NEURL2: variants seen among roughly 807,000 people sequenced by gnomAD.
The protein encoded by NEURL2 is neuralized-like protein 2.
NEURL2 carries 16 observed loss-of-function variants against 15.9 expected under a neutral mutation model. The observed-to-expected ratio is 1.01, with a 90% CI of 0.68 to 1.53. NEURL2 has a LOEUF of 1.53. Among genes scored for constraint, NEURL2 ranks in the 40% most tolerant of loss-of-function variants. The probability of loss-of-function intolerance (pLI) is 0.00; values close to 1 mark genes in which losing one functional copy is unlikely to be tolerated. For synonymous variants in NEURL2, 188 were observed against 178.3 expected, an observed-to-expected ratio of 1.05 and a Z score of -0.43; for missense variants, 393 against 407.8, an observed-to-expected ratio of 0.96 and a Z score of 0.31.
Position 45,888,824 on chromosome 20 carries a change from C to T in NEURL2, c.792G>A (p.Val264=). ...LCRLVIQRSM[V]HRLAIDGLHL... ...GGAGCCCATCAATGGCCAGCCGGTG[C>T]ACCATGCTCCTTTGTATCACTAGGC... Residue 264 remains valine, a synonymous_variant, in exon 2 of 2, where the codon GTG becomes GTA. Coordinates refer to ENST00000372518, the MANE Select transcript of NEURL2 (RefSeq NM_080749.4). 6.2e-7 allele frequency: 1 copy of T among 1,614,094 alleles called. No homozygotes were observed. The highest frequency in any genetic ancestry group is 2.2e-5 in the East Asian group (1 of 44,890).
At position 45,890,912 on chromosome 20, in the gene NEURL2, T is replaced by G. The variant is rs1457251810; in HGVS notation, c.80A>C (p.His27Pro). 1 of 1,545,614 alleles carries G rather than the reference T, an allele frequency of 6.5e-7. No homozygotes were observed. Among genetic ancestry groups the G allele is most frequent in the African/African-American group, 1.4e-5 (1 of 73,070 alleles). ...ERPEPPPTRFHRVHGANIRVD... is the reference protein window; with the variant it reads ...ERPEPPPTRFPRVHGANIRVD... ...GCGGATGTTGGCACCGTGCACCCGATGGAAGCGGGTGGGAGGGGGCTCCGG... is the reference window on the plus strand; with the variant it reads ...GCGGATGTTGGCACCGTGCACCCGAGGGAAGCGGGTGGGAGGGGGCTCCGG... The change falls in exon 1 of 2, where the codon CAT becomes CCT. Residue 27 changes from histidine (H) to proline (P), a missense_variant. Transcript: ENST00000372518.
At position 45,891,105 on chromosome 20, in the gene NEURL2, GCCTCT is replaced by G; in HGVS notation, c.-119_-115del. 3 of 1,201,136 alleles carry G rather than the reference GCCTCT, an allele frequency of 2.5e-6. No individual in the cohort carries two copies. Among genetic ancestry groups the G allele is most frequent in the Non-Finnish European group, 3.4e-6 (3 of 874,440 alleles). 74.4% of individuals were successfully genotyped at this position (1,201,136 alleles called of 1,614,324 possible). A position where few individuals can be genotyped will look rare whatever the true frequency, so the allele number is the denominator to read the frequency against. The stretch of plus-strand genomic sequence containing the variant: ...TTTCCCCCCTGACTCCCTTCCCCGA[GCCTCT>G]GCCCGGGGGTCCTAGCGCCGCTTTC... On this transcript the variant is annotated 5_prime_UTR_variant, in exon 1 of 2. It introduces an in-frame stop codon into an upstream open reading frame of the 5' UTR. Transcript: ENST00000372518. This position sits in a 1 kb window ranked among gnomAD's most constrained non-coding sequence, Gnocchi z 4.6.
At chr20:45,888,912 G>A in intron 1 of NEURL2, 39 bp from the exon 2 acceptor site, 2 of 1,612,224 alleles carry the variant, frequency 1.2e-6, no homozygotes, top group South Asian at 1.1e-5. Flanking sequence ...CTGAACTGGA[G>A]GGTGGGTCTG....
Position 45,890,971 on chromosome 20 carries a change from G to T in NEURL2, c.21C>A (p.Pro7=). 6.7e-7 allele frequency: 1 copy of T among 1,494,346 alleles called. No homozygotes were observed. The highest frequency in any genetic ancestry group is 8.9e-7 in the Non-Finnish European group (1 of 1,121,728). 92.6% of individuals were successfully genotyped at this position (1,494,346 alleles called of 1,614,324 possible). MAAASE[P]VDSGALWGLE... ...GTCCCCAGAGTGCACCCGAATCCACGGGCTCGGAGGCAGCAGCCATCTCTC... is the reference window on the plus strand; with the variant it reads ...GTCCCCAGAGTGCACCCGAATCCACTGGCTCGGAGGCAGCAGCCATCTCTC... The change falls in exon 1 of 2, where the codon CCC becomes CCA. Residue 7 remains proline (P), a synonymous_variant. Coordinates refer to ENST00000372518, the MANE Select transcript of NEURL2 (RefSeq NM_080749.4).
Position 45,890,455 on chromosome 20 carries a change from G to A in NEURL2, c.537C>T (p.Asn179=). Residue 179 remains asparagine, a synonymous_variant, in exon 1 of 2, where the codon AAC becomes AAT. Transcript: ENST00000372518. ...SHLLDQLYEL[N]VLPPTARRSR... is the part of the protein sequence containing the mutation. ...TACGGCGCGCGGTCGGAGGCAGCAC[G>A]TTCAGCTCATAGAGCTGGTCCAAGA... The A allele has an allele frequency of 6.2e-7, 1 of 1,606,416 alleles. No individual in the cohort carries two copies. Among genetic ancestry groups the A allele is most frequent in the Non-Finnish European group, 8.5e-7 (1 of 1,176,376 alleles).
rs1199264362 is a variant in NEURL2, at chr20:45,890,324, G to C, written c.668C>G (p.Ala223Gly). The change falls in exon 1 of 2, where the codon GCG (alanine) becomes GGG (glycine). Residue 223 changes from alanine to glycine, a missense_variant. Physicochemically the swap from Ala to Gly is moderately conservative, Grantham distance 60 (BLOSUM62 0). Transcript: ENST00000372518. ...GTCCACCACCGCGTAGAGGGGCTGC[G>C]CAGCTGGCAGTCCCCGGGCGCTCGG... ...MGPSARGLPA[A>G]QPLYAVVDVF... 2 of 1,613,132 alleles carry C rather than the reference G, an allele frequency of 1.2e-6. No homozygotes were observed. The highest frequency in any genetic ancestry group is 1.7e-6 in the Non-Finnish European group (2 of 1,180,024).
chr20:45,889,767 C>A (rs1299104300), intron 1 of NEURL2, among the ~76,000 whole-genome samples: 1 of 152,170 alleles, frequency 6.6e-6, no homozygotes, highest in Non-Finnish European at 1.5e-5. Flanking sequence ...GCACATGCCA[C>A]CACACCCAGC....
rs759769992 is a variant in NEURL2, at chr20:45,890,802, G to T, written c.190C>A (p.Gln64Lys). The change falls in exon 1 of 2, where the codon CAG (glutamine) becomes AAG (lysine). Residue 64 changes from glutamine to lysine, a missense_variant. By Grantham distance (53) the Gln-to-Lys change is moderately conservative (BLOSUM62 1). Transcript: ENST00000372518. ...CFSREPLAPGQVFLVEIEEKE... is the reference protein window; with the variant it reads ...CFSREPLAPGKVFLVEIEEKE... ...TCCTCGATCTCGACCAGGAAGACCT[G>T]GCCCGGGGCCAGCGGCTCGCGGCTG... is the stretch of plus-strand genomic sequence containing the variant. 3 of 1,595,438 alleles carry T rather than the reference G, an allele frequency of 1.9e-6. No individual in the cohort carries two copies. The highest frequency in any genetic ancestry group is 2.6e-6 in the Non-Finnish European group (3 of 1,169,996).
At chr20:45,889,537 C>T (rs561432099) in intron 1 of NEURL2, among the ~76,000 whole-genome samples, 15 of 152,094 alleles carry the variant, frequency 9.9e-5, no homozygotes, top group Non-Finnish European at 1.8e-4. Context: ...ATTTTTTGTA[C>T]AGATGGGGTC....
intron 1 of NEURL2, 71 bp downstream of exon 1, chr20:45,890,179 G>A (rs1303500092): frequency 7.7e-6 from 12 of 1,562,452 alleles, no homozygotes; most frequent in African/African-American, 1.4e-5. Context: ...CCTAGCACAT[G>A]GGCTACGGAG....
Position 45,888,858 on chromosome 20 carries a change from G to A in NEURL2, c.758C>T (p.Thr253Ile). The A allele has an allele frequency of 1.2e-6, 2 of 1,614,126 alleles. No individual in the cohort carries two copies. The highest frequency in any genetic ancestry group is 1.7e-6 in the Non-Finnish European group (2 of 1,179,988). Residue 253 changes from threonine (T) to isoleucine (I), a missense_variant, in exon 2 of 2, where the codon ACT (threonine) becomes ATT (isoleucine). Physicochemically the swap from Thr to Ile is moderately conservative, Grantham distance 89. Transcript: ENST00000372518. ...CCTTTGTATCACTAGGCGGCACAGA[G>A]TCTGCAGGGATGGCACTGTGGGAAG... The part of the protein sequence containing the change: ...QLEYGLPSLQ[T>I]LCRLVIQRSM...
Position 45,890,950 on chromosome 20 carries a change from C to G in NEURL2, c.42G>C (p.Trp14Cys), listed in dbSNP as rs1222196960. 2 of 1,513,384 alleles carry G rather than the reference C, an allele frequency of 1.3e-6. No individual in the cohort carries two copies. Among genetic ancestry groups the G allele is most frequent in the South Asian group, 2.6e-5 (2 of 78,158 alleles). The allele number at this position is 1,513,384 out of a possible 1,614,324, so 93.7% of individuals were successfully genotyped here. A position where few individuals can be genotyped will look rare whatever the true frequency, so the allele number is the denominator to read the frequency against. ...ASEPVDSGAL[W>C]GLERPEPPPT... The stretch of plus-strand genomic sequence containing the variant: ...GAGGGGGCTCCGGGCGCTCGAGTCC[C>G]CAGAGTGCACCCGAATCCACGGGCT... Residue 14 changes from tryptophan to cysteine, a missense_variant, in exon 1 of 2, where the codon TGG becomes TGC. Physicochemically the swap from Trp to Cys is radical, Grantham distance 215. Transcript: ENST00000372518.
In NEURL2 at chr20:45,888,913, G is replaced by C. The variant is rs755300235; in HGVS notation, c.743-40C>G. ...CTGTGAAAGGCAAACTGAACTGGAG[G>C]GTGGGTCTGAGGCCAAGATCCAGAA... On this transcript the variant is annotated intron_variant, in intron 1 of 1. Coordinates refer to ENST00000372518, the MANE Select transcript of NEURL2 (RefSeq NM_080749.4). The C allele has an allele frequency of 1.9e-6, 3 of 1,611,712 alleles. No individual in the cohort carries two copies. The South Asian group carries it at 3.3e-5, about 18-fold the overall frequency.
Position 45,891,012 on chromosome 20 carries a change from C to T in NEURL2, c.-21G>A. The T allele has an allele frequency of 6.8e-7, 1 of 1,464,246 alleles. No individual in the cohort carries two copies. Among genetic ancestry groups the T allele is most frequent in the African/African-American group, 1.4e-5 (1 of 71,016 alleles). The allele number at this position is 1,464,246 out of a possible 1,614,324, so 90.7% of individuals were successfully genotyped here. A position where few individuals can be genotyped will look rare whatever the true frequency, so the allele number is the denominator to read the frequency against. On this transcript the variant is annotated 5_prime_UTR_variant, in exon 1 of 2. Transcript: ENST00000372518. This position sits in a 1 kb window ranked among gnomAD's most constrained non-coding sequence, Gnocchi z 4.6. ...GCCATCTCTCGGCCATAGGGCAGGCCAGCTGGCGCCGGGGGCTATTTTGGG... is the reference window on the plus strand; with the variant it reads ...GCCATCTCTCGGCCATAGGGCAGGCTAGCTGGCGCCGGGGGCTATTTTGGG...
intron 1 of NEURL2, 24 bp from the exon 2 acceptor site, chr20:45,888,897 G>A (rs758354963): frequency 1.2e-6 from 2 of 1,613,640 alleles, no homozygotes; most frequent in South Asian, 2.2e-5. Context: ...ACTGTGAAAG[G>A]CAAACTGAAC....
At chr20:45,890,214 C>T (rs1460000644) in intron 1 of NEURL2, 36 bp downstream of exon 1, 23 of 1,612,826 alleles carry the variant, frequency 1.4e-5, no homozygotes, top group Non-Finnish European at 2.0e-5. Context: ...AGTCCCCACA[C>T]TGAGCCAGGA....
chr20:45,890,268 C>T lies in NEURL2; in HGVS notation c.724G>A (p.Val242Ile). The change falls in exon 1 of 2, where the codon GTC (valine) becomes ATC (isoleucine). Residue 242 changes from valine to isoleucine, a missense_variant. Coordinates refer to ENST00000372518, the MANE Select transcript of NEURL2 (RefSeq NM_080749.4). The stretch of plus-strand genomic sequence containing the variant: ...TACCTACAGCCATACTCGAGCTGGA[C>T]AAGGCGCACGCTCTTTGTGGAAGCA... ...VFASTKSVRLVQLEYGLPSLQ... is the reference protein window; with the variant it reads ...VFASTKSVRLIQLEYGLPSLQ... 6.2e-7 allele frequency: 1 copy of T among 1,613,830 alleles called. No homozygotes were observed.
chr20:45,888,707 C>T lies in NEURL2; in HGVS notation c.*51G>A, dbSNP rs1414303530. ...TGTGGCCAACTTCGGACCAGCCAGC[C>T]ACAGGTCTGGGGCTCCAGGATGCAG... is the stretch of plus-strand genomic sequence containing the variant. On this transcript the variant is annotated 3_prime_UTR_variant, in exon 2 of 2. Transcript: ENST00000372518. The T allele has an allele frequency of 1.9e-6, 3 of 1,594,372 alleles. No homozygotes were observed. The South Asian group carries it at 3.3e-5, about 18-fold the overall frequency.
At chr20:45,888,980 A>C (rs776341491) in intron 1 of NEURL2, 107 bp from the exon 2 acceptor site, 10 of 1,298,272 alleles carry the variant, frequency 7.7e-6, no homozygotes, top group African/African-American at 1.5e-5. Flanking sequence ...AATGTGGGCA[A>C]GTCCTTACTG....
Sources: allele counts gnomAD v4.1 joint callset (sites outside exome capture counted in the v4.1 genomes callset), GRCh38; gene constraint gnomAD v4.1.1; non-coding constraint Gnocchi (gnomAD v3.1); transcripts MANE v1.5; gene names NCBI Gene and HGNC (gene_info 2026-07-23, HGNC 2026-07-21).